Variants in MTMR10 observed in about 807,000 individuals in gnomAD.
The protein encoded by MTMR10 is myotubularin-related protein 10.
In MTMR10, 56 loss-of-function variants were observed where a neutral mutation model predicts 88.1. The observed-to-expected ratio is 0.64, with a 90% CI of 0.51 to 0.79. MTMR10 has a LOEUF of 0.79. Among genes scored for constraint, MTMR10 ranks in the 30% least tolerant of loss-of-function variants. The probability of loss-of-function intolerance (pLI) is 0.00; values close to 1 mark genes in which losing one functional copy is unlikely to be tolerated. For missense variants in MTMR10, 883 were observed against 924.7 expected (o/e 0.95, Z 0.58); for synonymous variants, 380 against 340.9 (o/e 1.11, Z -1.26).
chr15:30,990,403 G>C (rs986531540), intron 2 of MTMR10, among the ~76,000 whole-genome samples: 13 of 152,194 alleles, frequency 8.5e-5, no homozygotes, highest in African/African-American at 3.1e-4. Context: ...TGCCAAGCAA[G>C]TAATTCAAAG....
chr15:30,988,356 G>C (rs1020020959), intron 2 of MTMR10, among the ~76,000 whole-genome samples: 1 of 152,184 alleles, frequency 6.6e-6, no homozygotes, highest in Admixed American at 6.5e-5. Flanking sequence ...CAGAATGCTG[G>C]GTGATAGAGC....
chr15:30,990,284 A>G (rs1363999140), intron 2 of MTMR10, among the ~76,000 whole-genome samples: 2 of 152,178 alleles, frequency 1.3e-5, no homozygotes, highest in African/African-American at 2.4e-5. Flanking sequence ...CCGTCCAACT[A>G]TGAATTATCT....
At chr15:30,931,382 T>C in the MTMR10 span, among the ~76,000 whole-genome samples, 1 of 152,172 alleles carries the variant, frequency 6.6e-6, no homozygotes, top group Non-Finnish European at 1.5e-5. Flanking sequence ...ATGGCTTGTC[T>C]TTTCATTTTC....
chr15:30,982,021 A>C (rs1485424190), intron 2 of MTMR10, among the ~76,000 whole-genome samples: 1 of 151,804 alleles, frequency 6.6e-6, no homozygotes, highest in African/African-American at 2.4e-5. Flanking sequence ...CGGTGAGCGG[A>C]GATCACGCCA....
chr15:30,929,131 T>C, the MTMR10 span: 10 of 1,360,270 alleles, frequency 7.4e-6, no homozygotes, highest in Non-Finnish European at 9.2e-6. Context: ...GTTTTGTATG[T>C]ACTGACTAGT....
chr15:30,975,075 T>C lies in MTMR10; in HGVS notation c.259-72A>G, dbSNP rs921360716. 16 of 1,158,850 alleles carry C rather than the reference T, an allele frequency of 1.4e-5. No homozygotes were observed. The South Asian group carries it at 2.1e-4, about 15-fold the overall frequency. 71.8% of individuals were successfully genotyped at this position (1,158,850 alleles called of 1,614,324 possible). On this transcript the variant is annotated intron_variant, in intron 3 of 15. Transcript: ENST00000435680. ...CACAATGGTAGTATAAGCCTTAAAC[T>C]GTGATGATAAACTGTGACAGTTATC...
rs2063049758 is a variant in MTMR10, at chr15:30,941,463, C to T, written c.*7G>A. The T allele has an allele frequency of 1.3e-6, 2 of 1,595,582 alleles. No homozygotes were observed. The highest frequency in any genetic ancestry group is 2.3e-5 in the South Asian group (2 of 87,578). On this transcript the variant is annotated 3_prime_UTR_variant, in exon 16 of 16. Transcript: ENST00000435680. ...CTTCCCTCAAAATGTTCAGAAAACA[C>T]CCTATTTTAGTCTTCATTTGCTAAT...
At chr15:30,948,517 TGA>T (rs754216469) in intron 12 of MTMR10, 46 bp from the exon 13 acceptor site, 5 of 1,539,340 alleles carry the variant, frequency 3.2e-6, no homozygotes, top group East Asian at 4.7e-5. Context: ...AGAAAAATGC[TGA>T]GAGAGAAAGG....
At chr15:30,937,301 T>A (rs912131639), downstream of MTMR10, 7 of 1,554,458 alleles carry the variant, frequency 4.5e-6, no homozygotes, top group Admixed American at 3.9e-5. Flanking sequence ...AATGTAAGAT[T>A]TTCAAGAGTA....
Position 30,941,791 on chromosome 15 carries a change from G to C in MTMR10, c.2013C>G (p.Ser671Arg). The C allele has an allele frequency of 6.2e-7, 1 of 1,614,030 alleles. No individual in the cohort carries two copies. The highest frequency in any genetic ancestry group is 8.5e-7 in the Non-Finnish European group (1 of 1,179,890). The change falls in exon 16 of 16, where the codon AGC becomes AGG. Residue 671 changes from serine to arginine, a missense_variant. Transcript: ENST00000435680. ...GAAAGGCTGTGATGGAGCCACCCAGGCTGATCTGGGCCTCGGGAACCCAGC... is the reference window on the plus strand; with the variant it reads ...GAAAGGCTGTGATGGAGCCACCCAGCCTGATCTGGGCCTCGGGAACCCAGC... ...YFRWVPEAQI[S>R]LGGSITAFHK... is the part of the protein sequence containing the mutation.
chr15:30,920,397 T>C, the MTMR10 span: 1 of 609,416 alleles, frequency 1.6e-6, no homozygotes, highest in Non-Finnish European at 2.8e-6. Flanking sequence ...GAATGTAGGT[T>C]TGTGGTGTAG....
At chr15:30,928,059 A>G in the MTMR10 span, 8 of 998,060 alleles carry the variant, frequency 8.0e-6, no homozygotes, top group Non-Finnish European at 9.5e-6. Flanking sequence ...GCATCAGAGC[A>G]GCACCTGCTG....
the MTMR10 span, chr15:30,929,522 A>G: frequency 2.2e-5 from 9 of 413,514 alleles, no homozygotes; most frequent in South Asian, 3.1e-4. Context: ...GTGTGCATAT[A>G]TATGATATAT....
At position 30,990,829 on chromosome 15, in the gene MTMR10, A is replaced by T; in HGVS notation, c.69T>A (p.Asp23Glu). 4 of 1,604,782 alleles carry T rather than the reference A, an allele frequency of 2.5e-6. No individual in the cohort carries two copies. Among genetic ancestry groups the T allele is most frequent in the Non-Finnish European group, 3.4e-6 (4 of 1,175,180 alleles). ...TAATCTTCGGTTCCGAATTGATCTT[A>T]TCGTCAGTCTGAAATACATTAGCAA... is the stretch of plus-strand genomic sequence containing the variant. The part of the protein sequence containing the change: ...SYLLPPPQTD[D>E]KINSEPKIKK... The change falls in exon 2 of 16, where the codon GAT becomes GAA. Residue 23 changes from aspartate (D) to glutamate (E), a missense_variant. By Grantham distance (45) the Asp-to-Glu change is conservative (BLOSUM62 2). Around this residue, in one of 3 missense-constraint regions of MTMR10, gnomAD observed 414 missense variants for 423.2 expected, o/e 0.98. Transcript: ENST00000435680.
In MTMR10 at chr15:30,940,257, T is replaced by C; in HGVS notation, c.*1213A>G. 1 of 981,864 alleles carries C rather than the reference T, an allele frequency of 1.0e-6. No individual in the cohort carries two copies. The highest frequency in any genetic ancestry group is 1.2e-6 in the Non-Finnish European group (1 of 828,408). The allele number at this position is 981,864 out of a possible 1,614,324, so 60.8% of individuals were successfully genotyped here. On this transcript the variant is annotated 3_prime_UTR_variant, in exon 16 of 16. Transcript: ENST00000435680. ...ACCGCTACAGTGGTAGGTAGGCTCT[T>C]GTCACACAGTTTGGAAATACTTTAC...
At chr15:30,943,274 A>T in intron 14 of MTMR10, 1 of 985,366 alleles carries the variant, frequency 1.0e-6, no homozygotes, top group Non-Finnish European at 1.2e-6. Context: ...ATGAACAAGG[A>T]GTGTGCTTTT....
chr15:30,950,655 A>G (rs1181316652), intron 12 of MTMR10, among the ~76,000 whole-genome samples: 1 of 146,168 alleles, frequency 6.8e-6, no homozygotes, highest in Non-Finnish European at 1.5e-5. Context: ...AGGTGACAGG[A>G]GCGAAACTCC....
At chr15:30,942,309 T>C (rs550140097) in intron 15 of MTMR10, 2 of 576,218 alleles carry the variant, frequency 3.5e-6, no homozygotes, top group Non-Finnish European at 3.0e-6. Flanking sequence ...GGGATGAGAG[T>C]ACCTCCTATC....
At chr15:30,925,906 C>G in the MTMR10 span, 1 of 1,614,248 alleles carries the variant, frequency 6.2e-7, no homozygotes, top group Non-Finnish European at 8.5e-7. Context: ...GGAGCTGGCA[C>G]TGGCCCATTA....
Sources: gnomAD v4.1 joint callset for allele counts (sites outside exome capture counted in the v4.1 genomes callset) on GRCh38, gnomAD v4.1.1 for gene constraint, gnomAD v4.1.1 regional missense constraint, MANE v1.5 for transcripts, NCBI Gene and HGNC (gene_info 2026-07-23, HGNC 2026-07-21) for gene names.